Variants in EPHA6 observed in about 807,000 individuals in gnomAD.
EPHA6 encodes EPH receptor A6.
Under a neutral mutation model 112.0 loss-of-function variants are expected in EPHA6, and 50 were observed. That is an observed-to-expected ratio of 0.45 (90% CI 0.36 to 0.56). EPHA6 has a LOEUF of 0.56. Among genes scored for constraint, EPHA6 ranks in the 20% least tolerant of loss-of-function variants. The pLI is 0.00. For missense variants in EPHA6, 1,280 were observed against 1,417.4 expected, an observed-to-expected ratio of 0.90 and a Z score of 1.56; for synonymous variants, 529 against 490.7, an observed-to-expected ratio of 1.08 and a Z score of -1.03.
At chr3:96,847,385 G>A (rs1426206841) in intron 1 of EPHA6, among the ~76,000 whole-genome samples, 2 of 138,054 alleles carry the variant, frequency 1.4e-5, no homozygotes, top group African/African-American at 3.2e-5. Flanking sequence ...AGACTGACAC[G>A]TTCATTTTTT....
chr3:97,121,606 G>A (rs145739932), intron 3 of EPHA6, among the ~76,000 whole-genome samples: 33 of 152,090 alleles, frequency 2.2e-4, no homozygotes, highest in African/African-American at 5.3e-4. Context: ...TTGTTACCAC[G>A]TGATGGAGAC....
intron 2 of EPHA6, among the ~76,000 whole-genome samples, chr3:96,971,795 G>A (rs2042325779): frequency 6.6e-6 from 1 of 152,030 alleles, no homozygotes; most frequent in African/African-American, 2.4e-5. Flanking sequence ...TCACATATGG[G>A]CCATTTTGCA....
intron 5 of EPHA6, among the ~76,000 whole-genome samples, chr3:97,369,057 C>T (rs2084902280): frequency 6.6e-6 from 1 of 152,078 alleles, no homozygotes; most frequent in Non-Finnish European, 1.5e-5. Context: ...CGAGAAGAAA[C>T]ATGTGCAATG....
chr3:96,918,808 A>G (rs1375643715), intron 2 of EPHA6, among the ~76,000 whole-genome samples: 1 of 151,986 alleles, frequency 6.6e-6, no homozygotes, highest in Non-Finnish European at 1.5e-5. Flanking sequence ...AGGCTCTCAT[A>G]AAGAAAATTA....
intron 3 of EPHA6, among the ~76,000 whole-genome samples, chr3:97,080,092 T>C (rs1307845898): frequency 6.6e-6 from 1 of 152,146 alleles, no homozygotes; most frequent in East Asian, 1.9e-4. Context: ...GAACCCACAA[T>C]ATCTCCATGG....
chr3:97,146,185 C>T (rs912421612), intron 3 of EPHA6, among the ~76,000 whole-genome samples: 2 of 151,660 alleles, frequency 1.3e-5, no homozygotes, highest in Non-Finnish European at 3.0e-5. Context: ...TAACCTCTGT[C>T]CTTGAATATT....
chr3:97,466,129 T>C (rs2091044173), intron 7 of EPHA6: 2 of 521,788 alleles, frequency 3.8e-6, no homozygotes, highest in Admixed American at 2.7e-5. Flanking sequence ...TTAGTCTTTC[T>C]GTAGAAAAAG....
chr3:97,032,872 G>A (rs35350641), intron 3 of EPHA6, among the ~76,000 whole-genome samples: 1,957 of 151,916 alleles, frequency 0.013, 18 homozygotes, highest in Non-Finnish European at 0.017. Context: ...CAATCATGCC[G>A]GTGAACTGAA....
In EPHA6 at chr3:96,987,597, A is replaced by G; in HGVS notation, c.718A>G (p.Thr240Ala). Residue 240 changes from threonine (T) to alanine (A), a missense_variant, in exon 3 of 18, where the codon ACA becomes GCA. Physicochemically the swap from Thr to Ala is moderately conservative, Grantham distance 58 (BLOSUM62 0). Transcript: ENST00000389672. ...HGIKFKPNQY[T>A]KIDTIAADES... ...AATTAAATTCAAGCCAAACCAGTATACAAAGATCGACACAATTGCTGCTGA... is the reference window on the plus strand; with the variant it reads ...AATTAAATTCAAGCCAAACCAGTATGCAAAGATCGACACAATTGCTGCTGA... The G allele has an allele frequency of 3.7e-6, 6 of 1,613,826 alleles. No homozygotes were observed. Among genetic ancestry groups the G allele is most frequent in the South Asian group, 1.1e-5 (1 of 91,084 alleles).
intron 3 of EPHA6, among the ~76,000 whole-genome samples, chr3:97,155,780 G>T (rs530226879): frequency 1.6e-4 from 25 of 152,226 alleles, no homozygotes; most frequent in Non-Finnish European, 2.8e-4. Context: ...CCAGGCCCTT[G>T]CATGTGGGTT....
chr3:97,503,297 A>G (rs950281225), intron 10 of EPHA6, among the ~76,000 whole-genome samples: 4 of 152,204 alleles, frequency 2.6e-5, no homozygotes, highest in African/African-American at 4.8e-5. Context: ...TACGGAACAC[A>G]TAGTTCCAAA....
intron 5 of EPHA6, among the ~76,000 whole-genome samples, chr3:97,331,969 G>A (rs2082820807): frequency 6.6e-6 from 1 of 151,852 alleles, no homozygotes; most frequent in Non-Finnish European, 1.5e-5. Flanking sequence ...GAGAATTTTA[G>A]ACCAATATCC....
intron 3 of EPHA6, among the ~76,000 whole-genome samples, chr3:97,162,429 T>A (rs546941224): frequency 6.6e-6 from 1 of 152,230 alleles, no homozygotes; most frequent in East Asian, 1.9e-4. Context: ...AAGGATGGGA[T>A]CAGGGATCCA....
At chr3:97,201,075 G>T (rs570156040) in intron 3 of EPHA6, among the ~76,000 whole-genome samples, 11 of 152,216 alleles carry the variant, frequency 7.2e-5, no homozygotes, top group Admixed American at 4.6e-4. Context: ...TTTGTGAATT[G>T]TATCTATCTT....
chr3:97,177,443 CAGA>C (rs2076867557), intron 3 of EPHA6, among the ~76,000 whole-genome samples: 1 of 151,798 alleles, frequency 6.6e-6, no homozygotes, highest in Admixed American at 6.6e-5. Context: ...ATTTTCTGTC[CAGA>C]AGATCTGTCC....
At chr3:97,144,151 T>C (rs1377430655) in intron 3 of EPHA6, among the ~76,000 whole-genome samples, 1 of 151,710 alleles carries the variant, frequency 6.6e-6, no homozygotes, top group Non-Finnish European at 1.5e-5. Context: ...CATAAGTGAC[T>C]CTATTTTGAT....
intron 14 of EPHA6, among the ~76,000 whole-genome samples, chr3:97,655,313 CCTT>C (rs917527335): frequency 5.1e-4 from 77 of 151,710 alleles, no homozygotes; most frequent in African/African-American, 1.8e-3. Context: ...ATCAAATCCT[CCTT>C]CTTCCCCAGT....
At chr3:96,992,088 A>G (rs1262698507) in intron 3 of EPHA6, among the ~76,000 whole-genome samples, 1 of 152,156 alleles carries the variant, frequency 6.6e-6, no homozygotes, top group African/African-American at 2.4e-5. Context: ...AATTGCAACT[A>G]GCAACATGCT....
chr3:97,591,161 T>C (rs936659026), intron 11 of EPHA6, among the ~76,000 whole-genome samples: 1 of 152,224 alleles, frequency 6.6e-6, no homozygotes, highest in Non-Finnish European at 1.5e-5. Context: ...TAATTTTTTT[T>C]CTAAGCTTTC....
Sources: allele counts gnomAD v4.1 joint callset (sites outside exome capture counted in the v4.1 genomes callset), GRCh38; gene constraint gnomAD v4.1.1; transcripts MANE v1.5; gene names NCBI Gene and HGNC (gene_info 2026-07-23, HGNC 2026-07-21).